CEP85L: variants seen among roughly 807,000 people sequenced by gnomAD.
CEP85L encodes centrosomal protein 85L.
CEP85L carries 60 observed loss-of-function variants against 100.3 expected under a neutral mutation model. That is an observed-to-expected ratio of 0.60 (90% confidence interval 0.49 to 0.74). The LOEUF is 0.74. Among genes scored for constraint, CEP85L ranks in the 30% least tolerant of loss-of-function variants. The probability of loss-of-function intolerance (pLI) is 0.00; values close to 1 mark genes in which losing one functional copy is unlikely to be tolerated. For missense variants in CEP85L, 973 were observed against 936.2 expected, an observed-to-expected ratio of 1.04 and a Z score of -0.51; for synonymous variants, 319 against 322.7, an observed-to-expected ratio of 0.99 and a Z score of 0.12.
chr6:118,585,922 C>G (rs576479463), intron 2 of CEP85L, among the ~76,000 whole-genome samples: 1 of 152,326 alleles, frequency 6.6e-6, no homozygotes, highest in African/African-American at 2.4e-5. Context: ...TAGATACCTT[C>G]ACTAACTGGG....
intron 1 of CEP85L, among the ~76,000 whole-genome samples, chr6:118,668,913 C>T (rs1229449691): frequency 6.6e-6 from 1 of 152,158 alleles, no homozygotes; most frequent in Non-Finnish European, 1.5e-5. Context: ...TACCCTGTAG[C>T]CTGGCCCTAC....
intron 4 of CEP85L, among the ~76,000 whole-genome samples, chr6:118,516,216 T>C (rs1776267597): frequency 6.6e-6 from 1 of 152,220 alleles, no homozygotes; most frequent in South Asian, 2.1e-4. Context: ...TAAACATACA[T>C]GTGCATCTGT....
At chr6:118,600,354 TGTGTGTGTGTGTGTGTAA>T (rs1781713193) in intron 2 of CEP85L, among the ~76,000 whole-genome samples, 1 of 137,288 alleles carries the variant, frequency 7.3e-6, no homozygotes, top group Non-Finnish European at 1.6e-5. Context: ...TGTGTGTGTG[TGTGTGTGTGTGTGTGTAA>T]CGCCATGGAG....
intron 5 of CEP85L, among the ~76,000 whole-genome samples, chr6:118,510,635 A>T (rs1775913584): frequency 6.6e-6 from 1 of 152,154 alleles, no homozygotes; most frequent in Admixed American, 6.6e-5. Flanking sequence ...GTTCTTATAC[A>T]CTGCTCTCCT....
intron 3 of CEP85L, among the ~76,000 whole-genome samples, chr6:118,542,733 G>A (rs1040028450): frequency 8.6e-5 from 13 of 151,728 alleles, no homozygotes; most frequent in African/African-American, 3.1e-4. Flanking sequence ...ACAAAACTAT[G>A]GAATGCCATT....
chr6:118,566,512 G>C (rs141958971), intron 2 of CEP85L, among the ~76,000 whole-genome samples, 196 bp from the exon 3 acceptor site: 2,451 of 152,222 alleles, frequency 0.016, 35 homozygotes, highest in Non-Finnish European at 0.027. Context: ...CTGCCTCCTG[G>C]GTTCAAGTGA....
chr6:118,587,668 T>A (rs900578497), intron 2 of CEP85L, among the ~76,000 whole-genome samples: 1 of 152,150 alleles, frequency 6.6e-6, no homozygotes, highest in Non-Finnish European at 1.5e-5. Context: ...GGCGGCTTAC[T>A]GATCTGAGGG....
At chr6:118,559,192 T>A in intron 3 of CEP85L, 1 of 841,116 alleles carries the variant, frequency 1.2e-6, no homozygotes, top group South Asian at 1.3e-5. Context: ...AGTAGAAGAG[T>A]TTCTTTGTGA....
chr6:118,691,661 C>T (rs978339664), intron 1 of CEP85L, among the ~76,000 whole-genome samples: 10 of 151,740 alleles, frequency 6.6e-5, no homozygotes, highest in Non-Finnish European at 1.0e-4. Context: ...ATCCCTTGAA[C>T]CCCGGAGGCG....
chr6:118,638,295 T>C (rs1044197828), intron 1 of CEP85L, among the ~76,000 whole-genome samples: 8 of 152,058 alleles, frequency 5.3e-5, no homozygotes, highest in African/African-American at 1.9e-4. Flanking sequence ...CATAACTATG[T>C]CTTTAAAAAG....
chr6:118,549,099 A>G (rs1377062096), intron 3 of CEP85L, among the ~76,000 whole-genome samples: 1 of 152,012 alleles, frequency 6.6e-6, no homozygotes, highest in Non-Finnish European at 1.5e-5. Flanking sequence ...CAATGTTCAC[A>G]AACACAAAAA....
chr6:118,470,466 TTAATATC>T, intron 11 of CEP85L, 64 bp downstream of exon 11: 1 of 814,670 alleles, frequency 1.2e-6, no homozygotes, highest in Non-Finnish European at 1.9e-6. Context: ...AAATGCTCTA[TTAATATC>T]TATAAAATAA....
intron 1 of CEP85L, among the ~76,000 whole-genome samples, chr6:118,666,261 C>T (rs776756988): frequency 1.2e-4 from 19 of 152,102 alleles, no homozygotes; most frequent in African/African-American, 2.7e-4. Context: ...ATATCCAAAG[C>T]GGACCTATAC....
At chr6:118,634,117 C>T (rs1289198073) in intron 1 of CEP85L, among the ~76,000 whole-genome samples, 2 of 152,178 alleles carry the variant, frequency 1.3e-5, no homozygotes, top group African/African-American at 2.4e-5. Flanking sequence ...TGGGTATTTA[C>T]CATTATTTGA....
chr6:118,666,864 C>A (rs976060953), intron 1 of CEP85L, among the ~76,000 whole-genome samples: 1 of 152,016 alleles, frequency 6.6e-6, no homozygotes, highest in African/African-American at 2.4e-5. Context: ...TTTCTAAAAA[C>A]CCTGAGAGTA....
intron 2 of CEP85L, among the ~76,000 whole-genome samples, chr6:118,595,472 G>T (rs1279040461): frequency 6.6e-6 from 1 of 152,198 alleles, no homozygotes; most frequent in Non-Finnish European, 1.5e-5. Context: ...TCGCTGCTGA[G>T]ATTCTCATGT....
At chr6:118,658,187 A>G (rs529580893) in intron 1 of CEP85L, among the ~76,000 whole-genome samples, 1 of 152,260 alleles carries the variant, frequency 6.6e-6, no homozygotes, top group Non-Finnish European at 1.5e-5. Context: ...TCTAACTACA[A>G]TTTTCAGGTT....
At chr6:118,502,487 A>G (rs1184955488) in intron 5 of CEP85L, 1 of 522,322 alleles carries the variant, frequency 1.9e-6, no homozygotes, top group Non-Finnish European at 3.7e-6. Context: ...CAGCAAAACA[A>G]ATGGAGATTA....
chr6:118,487,703 C>T (rs1397565861), intron 6 of CEP85L, among the ~76,000 whole-genome samples: 1 of 152,186 alleles, frequency 6.6e-6, no homozygotes, highest in Non-Finnish European at 1.5e-5. Context: ...TCTGCCTTGC[C>T]TGTCTTGGAA....
Sources: gnomAD v4.1 joint callset for allele counts (sites outside exome capture counted in the v4.1 genomes callset) on GRCh38, gnomAD v4.1.1 for gene constraint, MANE v1.5 for transcripts, NCBI Gene and HGNC (gene_info 2026-07-23, HGNC 2026-07-21) for gene names.